LNPK: variants seen among roughly 807,000 people sequenced by gnomAD.
LNPK encodes endoplasmic reticulum junction formation protein lunapark.
In LNPK, 29 loss-of-function variants were observed where a neutral mutation model predicts 55.2. The ratio of observed to expected loss-of-function variants is 0.53; its 90% CI spans 0.39 to 0.72. The LOEUF is 0.72. Ranked by LOEUF, LNPK falls within the 30% of genes least tolerant of loss-of-function variation. LNPK has a pLI of 0.00. For missense variants in LNPK, 467 were observed against 494.8 expected (o/e 0.94, Z 0.53); for synonymous variants, 162 against 168.2 (o/e 0.96, Z 0.29).
chr2:175,957,175 T>C (rs761178912), intron 8 of LNPK, among the ~76,000 whole-genome samples: 1 of 151,930 alleles, frequency 6.6e-6, no homozygotes, highest in Non-Finnish European at 1.5e-5. Context: ...CTGGCTGACA[T>C]GGTGAAACCC....
At chr2:175,933,567 T>C (rs2105516709) in intron 12 of LNPK, among the ~76,000 whole-genome samples, 1 of 152,188 alleles carries the variant, frequency 6.6e-6, no homozygotes, top group East Asian at 1.9e-4. Flanking sequence ...GGCTAACTCA[T>C]ATTTAAGAAA....
rs756682498 is a variant in LNPK, at chr2:175,964,649, A to G, written c.358-60T>C. The G allele has an allele frequency of 5.6e-6, 5 of 894,916 alleles. No individual in the cohort carries two copies. The Admixed American group carries it at 8.9e-5, about 16-fold the overall frequency. 55.4% of individuals were successfully genotyped at this position (894,916 alleles called of 1,614,324 possible). On this transcript the variant is annotated intron_variant, in intron 6 of 12. Transcript: ENST00000272748. ...CAAAACACACACTACTTATTTGTATAAGTCCTATTCAAAAAGGTTTAAATA... is the reference window on the plus strand; with the variant it reads ...CAAAACACACACTACTTATTTGTATGAGTCCTATTCAAAAAGGTTTAAATA...
intron 4 of LNPK, among the ~76,000 whole-genome samples, chr2:175,980,879 C>G (rs1399507863): frequency 6.8e-6 from 1 of 147,272 alleles, no homozygotes; most frequent in African/African-American, 2.5e-5. Context: ...TGCACTCCAG[C>G]CTAGGCGGCA....
intron 2 of LNPK, chr2:175,994,328 G>T: frequency 3.0e-6 from 3 of 984,356 alleles, no homozygotes; most frequent in Non-Finnish European, 3.6e-6. Context: ...TCCTTGGGCA[G>T]ATTATTATAA....
At chr2:175,971,432 C>T (rs892806640) in intron 5 of LNPK, among the ~76,000 whole-genome samples, 2 of 152,230 alleles carry the variant, frequency 1.3e-5, no homozygotes, top group African/African-American at 4.8e-5. Flanking sequence ...GTTTGATTTA[C>T]AAATTATTTA....
intron 10 of LNPK, 103 bp downstream of exon 10, chr2:175,939,449 A>G (rs941135732): frequency 2.3e-5 from 12 of 527,404 alleles, no homozygotes; most frequent in African/African-American, 2.2e-4. Flanking sequence ...ACTATGCTCT[A>G]AAGTCAGAAA....
chr2:175,944,345 G>T (rs1313335483), intron 9 of LNPK, among the ~76,000 whole-genome samples: 1 of 152,030 alleles, frequency 6.6e-6, no homozygotes, highest in Non-Finnish European at 1.5e-5. Flanking sequence ...CTAATGGTGA[G>T]TTGGGAGTGG....
chr2:175,967,266 AAGAT>A (rs1311237736), intron 6 of LNPK, among the ~76,000 whole-genome samples: 2 of 152,322 alleles, frequency 1.3e-5, no homozygotes, highest in Non-Finnish European at 2.9e-5. Flanking sequence ...TTTATTTTAA[AAGAT>A]AGAATAATAA....
At position 176,002,266 on chromosome 2, in the gene LNPK, A is replaced by C. The variant is rs759556531; in HGVS notation, c.-169T>G. The C allele has an allele frequency of 1.1e-5, 5 of 448,924 alleles. No homozygotes were observed. Among genetic ancestry groups the C allele is most frequent in the Admixed American group, 7.1e-5 (3 of 42,138 alleles). The allele number at this position is 448,924 out of a possible 1,614,324, so 27.8% of individuals were successfully genotyped here. ...GGCAGCAGCCGCCACTGACAGAGAG[A>C]CAAGCCGGGCCAACTCCTTCCCATG... On this transcript the variant is annotated 5_prime_UTR_variant, in exon 1 of 13. Transcript: ENST00000272748.
At chr2:175,957,753 G>A (rs916452837) in intron 8 of LNPK, among the ~76,000 whole-genome samples, 1 of 152,194 alleles carries the variant, frequency 6.6e-6, no homozygotes, top group African/African-American at 2.4e-5. Flanking sequence ...GCAGGGCGGG[G>A]CATTGCCTCA....
At chr2:175,943,940 A>G (rs1363929170) in intron 9 of LNPK, among the ~76,000 whole-genome samples, 1 of 152,130 alleles carries the variant, frequency 6.6e-6, no homozygotes, top group Non-Finnish European at 1.5e-5. Context: ...ATAATAAGGT[A>G]AGAAAAATAA....
intron 12 of LNPK, among the ~76,000 whole-genome samples, chr2:175,931,346 T>C (rs1263866498): frequency 6.6e-6 from 1 of 152,196 alleles, no homozygotes; most frequent in Non-Finnish European, 1.5e-5. Context: ...ATAAATAAAA[T>C]TGTTTTGCAA....
chr2:175,976,677 C>T (rs141953098), intron 5 of LNPK, among the ~76,000 whole-genome samples: 155 of 152,320 alleles, frequency 1.0e-3, no homozygotes, highest in African/African-American at 3.3e-3. Context: ...CTCCCTGGAG[C>T]TAGGACATCT....
intron 8 of LNPK, among the ~76,000 whole-genome samples, chr2:175,959,586 G>A (rs1404791544): frequency 2.0e-5 from 3 of 152,072 alleles, no homozygotes; most frequent in Non-Finnish European, 2.9e-5. Flanking sequence ...AGGAACTAAC[G>A]GTACCAGCCA....
intron 12 of LNPK, chr2:175,932,121 T>TA: frequency 2.2e-6 from 1 of 452,022 alleles, no homozygotes; most frequent in Non-Finnish European, 4.5e-6. Context: ...CAGGCCCACA[T>TA]AGTTTGTCAT....
intron 8 of LNPK, among the ~76,000 whole-genome samples, chr2:175,949,545 T>C (rs1685302293): frequency 6.6e-6 from 1 of 152,070 alleles, no homozygotes. Context: ...TAAAAGCAGC[T>C]ATTATCCTTC....
chr2:175,932,050 G>GA (rs1022730775), intron 12 of LNPK: 1 of 392,442 alleles, frequency 2.5e-6, no homozygotes, highest in African/African-American at 2.1e-5. Flanking sequence ...CACAAGAAAT[G>GA]AAAAAACAAA....
At chr2:175,974,975 GA>G (rs1686840711) in intron 5 of LNPK, among the ~76,000 whole-genome samples, 1 of 149,682 alleles carries the variant, frequency 6.7e-6, no homozygotes, top group Non-Finnish European at 1.5e-5. Context: ...TTTCCTTAAA[GA>G]AGTGTTCCAA....
rs754861937 is a variant in LNPK at position 175,947,505 on chromosome 2, G to A, written c.681C>T (p.Ser227=). ...CCATTCCAGGCACTGAAGTAGCAGGGGATCCAAGATGTCTTGGTAACACAT... is the reference window on the plus strand; with the variant it reads ...CCATTCCAGGCACTGAAGTAGCAGGAGATCCAAGATGTCTTGGTAACACAT... ...SSNVLPRHLG[S]PATSVPGMGL... is the part of the protein sequence containing the mutation. The change falls in exon 9 of 13, where the codon TCC becomes TCT. Residue 227 remains serine (S), a synonymous_variant. Transcript: ENST00000272748. 59 of 1,613,524 alleles carry A rather than the reference G, an allele frequency of 3.7e-5. No homozygotes were observed. Among genetic ancestry groups the A allele is most frequent in the Non-Finnish European group, 4.9e-5 (58 of 1,179,882 alleles).
Sources: gnomAD v4.1 joint callset for allele counts (sites outside exome capture counted in the v4.1 genomes callset) on GRCh38, gnomAD v4.1.1 for gene constraint, MANE v1.5 for transcripts, NCBI Gene and HGNC (gene_info 2026-07-23, HGNC 2026-07-21) for gene names.